Variants in ATG101 observed in about 807,000 individuals in gnomAD.
The protein encoded by ATG101 is autophagy related 101, also known as autophagy-related protein 101.
ATG101 carries 6 observed loss-of-function variants against 16.7 expected under a neutral mutation model. The observed-to-expected ratio is 0.36, with a 90% CI of 0.20 to 0.71. The LOEUF (loss-of-function observed/expected upper bound fraction) is 0.71. ATG101 is among the 30% of genes least tolerant of loss of function. ATG101 has a pLI of 0.57. For synonymous variants in ATG101, 108 were observed against 118.1 expected, an observed-to-expected ratio of 0.91 and a Z score of 0.56; for missense variants, 200 against 292.5, an observed-to-expected ratio of 0.68 and a Z score of 2.31.
intron 2 of ATG101, among the ~76,000 whole-genome samples, chr12:52,072,096 T>C (rs1439565512): frequency 1.3e-5 from 2 of 152,236 alleles, no homozygotes; most frequent in East Asian, 3.8e-4. Flanking sequence ...AGCTAATACT[T>C]AGTGGATATT....
In ATG101 at chr12:52,070,443, G is replaced by C; in HGVS notation, c.-117G>C. 6.5e-6 allele frequency: 1 copy of C among 153,232 alleles called. No homozygotes were observed. Among genetic ancestry groups the C allele is most frequent in the Non-Finnish European group, 1.5e-5 (1 of 68,402 alleles). The allele number at this position is 153,232 out of a possible 1,614,324, so 9.5% of individuals were successfully genotyped here. On this transcript the variant is annotated 5_prime_UTR_variant, in exon 2 of 4. Transcript: ENST00000336854. Reference sequence around the variant, plus strand: ...GTGAGGAGGAGGAGGAAGGGCATGAGCCGAGCTTGAGGAATCCGTGCTCCA... The same window carrying C: ...GTGAGGAGGAGGAGGAAGGGCATGACCCGAGCTTGAGGAATCCGTGCTCCA...
Position 52,073,567 on chromosome 12 carries a change from T to C in ATG101, c.-76-8T>C. On this transcript the variant is annotated splice_region_variant and splice_polypyrimidine_tract_variant and intron_variant, in intron 2 of 3. Transcript: ENST00000336854. ...TTGTCAGCATTCTGACCTGGGCTCC[T>C]TTTGCAGGGTGGCCCTTGGGTAGGG... is the stretch of plus-strand genomic sequence containing the variant. 1 of 1,528,012 alleles carries C rather than the reference T, an allele frequency of 6.5e-7. No homozygotes were observed. The highest frequency in any genetic ancestry group is 1.2e-5 in the South Asian group (1 of 80,472). The allele number at this position is 1,528,012 out of a possible 1,614,324, so 94.7% of individuals were successfully genotyped here.
chr12:52,073,482 G>T, intron 2 of ATG101, 93 bp from the exon 3 acceptor site: 1 of 819,634 alleles, frequency 1.2e-6, no homozygotes, highest in South Asian at 1.8e-5. Flanking sequence ...AGAAGGGCCA[G>T]TGGAGGCAGA....
At chr12:52,069,022 A>AAAAAC (rs1939592238), upstream of ATG101, among the ~76,000 whole-genome samples, 1 of 140,648 alleles carries the variant, frequency 7.1e-6, no homozygotes, top group African/African-American at 2.8e-5. Flanking sequence ...AAAAAAAAAA[A>AAAAAC]TACTGCCTCC....
Position 52,077,061 on chromosome 12 carries a change from C to T in ATG101, c.528C>T (p.Asn176=), listed in dbSNP as rs143354372. 410 of 1,614,210 alleles carry T rather than the reference C, an allele frequency of 2.5e-4. 1 individual carries two copies. The highest frequency in any genetic ancestry group is 5.1e-4 in the South Asian group (46 of 91,084). The change falls in exon 4 of 4, where the codon AAC becomes AAT. Residue 176 remains asparagine (N), a synonymous_variant. Coordinates refer to ENST00000336854, the MANE Select transcript of ATG101 (RefSeq NM_021934.5). Reference sequence around the variant, plus strand: ...TGCCCACACAGTCGGAGGTGGATAACGTGTTTGACACAGGCTTGCGGGACG... The same window carrying T: ...TGCCCACACAGTCGGAGGTGGATAATGTGTTTGACACAGGCTTGCGGGACG... ...PKMPTQSEVD[N]VFDTGLRDVQ...
chr12:52,066,858 G>T (rs1368613142), upstream of ATG101, among the ~76,000 whole-genome samples: 1 of 152,130 alleles, frequency 6.6e-6, no homozygotes, highest in Non-Finnish European at 1.5e-5. Flanking sequence ...CAGTCTCTGG[G>T]GATGGGCTCT....
upstream of ATG101, among the ~76,000 whole-genome samples, chr12:52,068,980 G>A (rs558148996): frequency 2.6e-4 from 26 of 98,500 alleles, no homozygotes; most frequent in South Asian, 8.5e-3. Flanking sequence ...GACAGAGCGA[G>A]ACGCCGTCTC....
chr12:52,070,741 G>A (rs567816740), intron 2 of ATG101: 1 of 152,398 alleles, frequency 6.6e-6, no homozygotes, highest in Non-Finnish European at 1.5e-5. Flanking sequence ...AATGAGGGAG[G>A]AGCCCAGGCT....
Position 52,076,965 on chromosome 12 carries a change from G to A in ATG101, c.432G>A (p.Val144=), listed in dbSNP as rs1415761231. ...EQERQICREK[V]GEKLCEKIIN... ...AGCGGCAGATCTGCCGGGAGAAGGT[G>A]GGTGAGAAACTCTGCGAGAAGATCA... The change falls in exon 4 of 4, where the codon GTG becomes GTA. Residue 144 remains valine, a synonymous_variant. Coordinates refer to ENST00000336854, the MANE Select transcript of ATG101 (RefSeq NM_021934.5). The A allele has an allele frequency of 2.5e-6, 4 of 1,614,094 alleles. No homozygotes were observed. The highest frequency in any genetic ancestry group is 8.5e-7 in the Non-Finnish European group (1 of 1,180,046).
Position 52,073,587 on chromosome 12 carries a change from G to T in ATG101, c.-64G>T. ...GCTCCTTTTGCAGGGTGGCCCTTGG[G>T]TAGGGTGAAGATCCCCTGTCTTTAT... On this transcript the variant is annotated 5_prime_UTR_variant, in exon 3 of 4. Transcript: ENST00000336854. 6.4e-7 allele frequency: 1 copy of T among 1,571,468 alleles called. No individual in the cohort carries two copies. The highest frequency in any genetic ancestry group is 8.7e-7 in the Non-Finnish European group (1 of 1,155,368).
Position 52,077,005 on chromosome 12 carries a change from G to A in ATG101, c.472G>A (p.Val158Met). The A allele has an allele frequency of 6.2e-7, 1 of 1,614,212 alleles. No individual in the cohort carries two copies. The highest frequency in any genetic ancestry group is 8.5e-7 in the Non-Finnish European group (1 of 1,180,040). Residue 158 changes from valine to methionine, a missense_variant, in exon 4 of 4, where the codon GTG becomes ATG. By Grantham distance (21) the Val-to-Met change is conservative (BLOSUM62 1). Transcript: ENST00000336854. ...CGAGAAGATCATCAACATCGTGGAG[G>A]TGATGAATCGGCATGAGTACTTGCC... The part of the protein sequence containing the change: ...LCEKIINIVE[V>M]MNRHEYLPKM...
chr12:52,075,466 C>T (rs558533868), intron 3 of ATG101, among the ~76,000 whole-genome samples: 60 of 152,308 alleles, frequency 3.9e-4, no homozygotes, highest in South Asian at 8.3e-4. Context: ...CAAATATGCC[C>T]AGTGTTTGGA....
At chr12:52,075,326 G>T (rs1592318277) in intron 3 of ATG101, among the ~76,000 whole-genome samples, 1 of 152,248 alleles carries the variant, frequency 6.6e-6, no homozygotes, top group Admixed American at 6.5e-5. Context: ...GAGTGGTGAA[G>T]AGCATGGGCT....
At chr12:52,068,158 T>G (rs536874854), upstream of ATG101, among the ~76,000 whole-genome samples, 3 of 151,770 alleles carry the variant, frequency 2.0e-5, no homozygotes, top group African/African-American at 7.2e-5. Context: ...GCAATTCTTC[T>G]GCCTCAGCCT....
At chr12:52,070,647 G>A (rs949712765) in intron 2 of ATG101, 164 bp downstream of exon 2, 2 of 152,412 alleles carry the variant, frequency 1.3e-5, no homozygotes, top group African/African-American at 4.8e-5. Flanking sequence ...GGTTTTCACA[G>A]ACCAAATGTG....
At chr12:52,073,530 C>T (rs549754801) in intron 2 of ATG101, 45 bp from the exon 3 acceptor site, 24 of 1,272,672 alleles carry the variant, frequency 1.9e-5, no homozygotes, top group Admixed American at 6.4e-5. Context: ...ACAGATAACA[C>T]GTGGACTATT....
At position 52,073,807 on chromosome 12, in the gene ATG101, C is replaced by G. The variant is rs1939688107; in HGVS notation, c.157C>G (p.Gln53Glu). 1 of 1,614,108 alleles carries G rather than the reference C, an allele frequency of 6.2e-7. No homozygotes were observed. Among genetic ancestry groups the G allele is most frequent in the South Asian group, 1.1e-5 (1 of 91,090 alleles). Residue 53 changes from glutamine to glutamate, a missense_variant, in exon 3 of 4, where the codon CAG becomes GAG. Transcript: ENST00000336854. ...CTACTCCATTGGCACCGTGGGCACC[C>G]AGGATGTTGACTGTGACTTCATCGA... ...GTYSIGTVGT[Q>E]DVDCDFIDFT...
At chr12:52,075,192 G>C (rs1184999534) in intron 3 of ATG101, among the ~76,000 whole-genome samples, 3 of 152,298 alleles carry the variant, frequency 2.0e-5, no homozygotes, top group South Asian at 2.1e-4. Flanking sequence ...GGTGAAAGCT[G>C]TCTCTCATTG....
At chr12:52,065,562 G>C (rs1939540617), upstream of ATG101, among the ~76,000 whole-genome samples, 1 of 152,204 alleles carries the variant, frequency 6.6e-6, no homozygotes. Context: ...CAGGGTTGCA[G>C]TGAGAATTTC....
Sources: allele counts gnomAD v4.1 joint callset (sites outside exome capture counted in the v4.1 genomes callset), GRCh38; gene constraint gnomAD v4.1.1; transcripts MANE v1.5; gene names NCBI Gene and HGNC (gene_info 2026-07-23, HGNC 2026-07-21).